TUBGCP3: variants seen among roughly 807,000 people sequenced by gnomAD.
TUBGCP3 encodes the protein gamma-tubulin complex component 3.
A neutral mutation model predicts 123.1 loss-of-function variants in TUBGCP3; 50 were observed. That is an observed-to-expected ratio of 0.41 (90% CI 0.32 to 0.51). TUBGCP3 has a LOEUF of 0.51. TUBGCP3 is among the 20% of genes least tolerant of loss of function. The probability of loss-of-function intolerance (pLI) is 0.36; values close to 1 mark genes in which losing one functional copy is unlikely to be tolerated. For synonymous variants in TUBGCP3, 405 were observed against 413.9 expected, an observed-to-expected ratio of 0.98 and a Z score of 0.26; for missense variants, 882 against 1,127.0, an observed-to-expected ratio of 0.78 and a Z score of 3.11.
intron 11 of TUBGCP3, among the ~76,000 whole-genome samples, chr13:112,541,657 A>C (rs1878528125): frequency 6.6e-6 from 1 of 152,242 alleles, no homozygotes; most frequent in African/African-American, 2.4e-5. Context: ...CTCAAGACAG[A>C]AGTATTGCAA....
intron 11 of TUBGCP3, among the ~76,000 whole-genome samples, chr13:112,529,718 A>T (rs1223923206): frequency 6.6e-6 from 1 of 152,194 alleles, no homozygotes; most frequent in Non-Finnish European, 1.5e-5. Flanking sequence ...TGGTACCGGG[A>T]CCATGACCTC....
chr13:112,566,098 T>A (rs1880937508), intron 2 of TUBGCP3, among the ~76,000 whole-genome samples: 1 of 152,236 alleles, frequency 6.6e-6, no homozygotes, highest in Non-Finnish European at 1.5e-5. Flanking sequence ...TTACAAATTA[T>A]CTGAAAGCAG....
Position 112,504,619 on chromosome 13 carries a change from A to G in TUBGCP3, c.2175+7T>C, listed in dbSNP as rs145468977. Reference sequence around the variant, plus strand: ...AAACTAAAATCAACACAATGACTGAAGTGTACCTCAAATGTGATGTAATAC... The same window carrying G: ...AAACTAAAATCAACACAATGACTGAGGTGTACCTCAAATGTGATGTAATAC... On this transcript the variant is annotated splice_region_variant and intron_variant, in intron 18 of 21. Coordinates refer to ENST00000261965, the MANE Select transcript of TUBGCP3 (RefSeq NM_006322.6). 14 of 1,611,990 alleles carry G rather than the reference A, an allele frequency of 8.7e-6. No homozygotes were observed. Among genetic ancestry groups the G allele is most frequent in the Non-Finnish European group, 1.2e-5 (14 of 1,178,428 alleles).
intron 11 of TUBGCP3, among the ~76,000 whole-genome samples, chr13:112,540,033 T>G (rs1878383574): frequency 7.8e-6 from 1 of 127,882 alleles, no homozygotes; most frequent in South Asian, 2.4e-4. Context: ...TGTAGTAGCC[T>G]ATGAGCATTC....
chr13:112,511,822 T>A lies in TUBGCP3; in HGVS notation c.2086+4618A>T, dbSNP rs1392390618. ...ACACTAGGGAGGTTTGACTGTGGTA[T>A]CTCCGAAGTGCCTTCTACTTGAAAG... On this transcript the variant is annotated intron_variant, in intron 17 of 21. Transcript: ENST00000261965. This position sits in a 1 kb window ranked among gnomAD's most constrained non-coding sequence, Gnocchi z 4.1. Among the ~76,000 whole-genome samples the A allele has an allele frequency of 2.6e-5, 4 of 152,264 alleles. No homozygotes were observed. The highest frequency in any genetic ancestry group is 9.6e-5 in the African/African-American group (4 of 41,550).
intron 2 of TUBGCP3, among the ~76,000 whole-genome samples, chr13:112,565,634 T>C (rs988142684): frequency 5.3e-5 from 8 of 152,220 alleles, no homozygotes; most frequent in African/African-American, 1.9e-4. Flanking sequence ...CCTAAACATT[T>C]TTGTTAAGAT....
chr13:112,561,508 C>T (rs571666022), intron 3 of TUBGCP3, among the ~76,000 whole-genome samples: 1 of 152,182 alleles, frequency 6.6e-6, no homozygotes, highest in African/African-American at 2.4e-5. Context: ...AACGGACAAA[C>T]GAGAGATATA....
At chr13:112,541,218 C>T (rs147266893) in intron 11 of TUBGCP3, among the ~76,000 whole-genome samples, 3 of 152,234 alleles carry the variant, frequency 2.0e-5, no homozygotes, top group African/African-American at 7.2e-5. Flanking sequence ...CAATAAAGAA[C>T]TCGCGGTACC....
Position 112,508,717 on chromosome 13 carries a change from T to TC in TUBGCP3, c.2087-4004dup, listed in dbSNP as rs960599401. On this transcript the variant is annotated intron_variant, in intron 17 of 21. Coordinates refer to ENST00000261965, the MANE Select transcript of TUBGCP3 (RefSeq NM_006322.6). This position sits in a 1 kb window ranked among gnomAD's most constrained non-coding sequence, Gnocchi z 4.2. ...TTAGCGTATTTGAATGGAATCACTA[T>TC]CCCCCCCAAAGAAGCTCTTCCTCCA... 1.1e-4 allele frequency among the ~76,000 whole-genome samples: 16 copies of TC among 151,078 alleles called. No homozygotes were observed. Among genetic ancestry groups the TC allele is most frequent in the African/African-American group, 3.2e-4 (13 of 40,578 alleles).
At chr13:112,559,202 C>G (rs1390819518) in intron 4 of TUBGCP3, 120 bp downstream of exon 4, 1 of 772,594 alleles carries the variant, frequency 1.3e-6, no homozygotes, top group African/African-American at 1.8e-5. Flanking sequence ...TCTTGACCTT[C>G]CATGACAGAC....
rs370516758 is a variant in TUBGCP3, at chr13:112,565,245, T to C, written c.185-67A>G. The stretch of plus-strand genomic sequence containing the variant: ...CCAAAATTCATTCTTATGATACTAT[T>C]TCACCTACAACACCATAACTCGCAA... On this transcript the variant is annotated intron_variant, in intron 2 of 21. Transcript: ENST00000261965. 2.2e-6 allele frequency: 3 copies of C among 1,370,406 alleles called. No individual in the cohort carries two copies. In the African/African-American group the frequency reaches 4.3e-5, roughly 20 times the overall value. The allele number at this position is 1,370,406 out of a possible 1,614,324, so 84.9% of individuals were successfully genotyped here. A position where few individuals can be genotyped will look rare whatever the true frequency, so the allele number is the denominator to read the frequency against.
At chr13:112,529,568 G>A (rs944246207) in intron 11 of TUBGCP3, among the ~76,000 whole-genome samples, 4 of 152,126 alleles carry the variant, frequency 2.6e-5, no homozygotes, top group Admixed American at 6.5e-5. Flanking sequence ...TCTTCAAGCC[G>A]CTCCTGCGTC....
At chr13:112,499,663 G>A (rs1378099831) in intron 19 of TUBGCP3, among the ~76,000 whole-genome samples, 1 of 151,806 alleles carries the variant, frequency 6.6e-6, no homozygotes, top group Non-Finnish European at 1.5e-5. Context: ...AATATAAAAA[G>A]CAAATTCAGC....
intron 13 of TUBGCP3, among the ~76,000 whole-genome samples, chr13:112,523,669 T>C (rs1343952405): frequency 2.0e-5 from 3 of 152,152 alleles, no homozygotes; most frequent in Admixed American, 1.3e-4. Flanking sequence ...TCATTAAAAA[T>C]TTTCATTCCA....
chr13:112,532,608 A>G (rs1877674032), intron 11 of TUBGCP3, among the ~76,000 whole-genome samples: 1 of 152,240 alleles, frequency 6.6e-6, no homozygotes, highest in South Asian at 2.1e-4. Flanking sequence ...TGGGGGAAGA[A>G]GCCAGGTTAG....
At chr13:112,542,731 G>A (rs1295065263) in intron 11 of TUBGCP3, among the ~76,000 whole-genome samples, 4 of 152,194 alleles carry the variant, frequency 2.6e-5, no homozygotes, top group African/African-American at 9.6e-5. Flanking sequence ...AGGGGACAAT[G>A]ATGGGTACAC....
Position 112,485,794 on chromosome 13 carries a change from G to T in TUBGCP3, c.*199C>A, listed in dbSNP as rs143464369. 1.2e-3 allele frequency: 730 copies of T among 611,350 alleles called. 1 individual carries two copies. The highest frequency in any genetic ancestry group is 0.012 in the African/African-American group (640 of 53,890). The allele number at this position is 611,350 out of a possible 1,614,324, so 37.9% of individuals were successfully genotyped here. On this transcript the variant is annotated 3_prime_UTR_variant, in exon 22 of 22. Transcript: ENST00000261965. ...AGTGCAGCCAGCCTACTTGACTTAG[G>T]GATTTACAAATGCATTCGACTCCGA...
intron 1 of TUBGCP3, among the ~76,000 whole-genome samples, chr13:112,574,293 G>A (rs1341509253): frequency 7.5e-6 from 1 of 132,916 alleles, no homozygotes; most frequent in Non-Finnish European, 1.5e-5. Context: ...AATCCACAGA[G>A]AATCTTCAAG....
rs747254453 is a variant in TUBGCP3 at position 112,540,914 on chromosome 13, T to A, written c.1335+4785A>T. Among the ~76,000 whole-genome samples, 89 of 152,260 alleles carry A rather than the reference T, an allele frequency of 5.8e-4. 1 individual carries two copies. The highest frequency in any genetic ancestry group is 5.4e-4 in the Non-Finnish European group (37 of 68,042). On this transcript the variant is annotated intron_variant, in intron 11 of 21. Transcript: ENST00000261965. Reference sequence around the variant, plus strand: ...GAATATTATACTCAATAGACATGCATTATTTTATTTTTAAATAAATAAAAC... The same window carrying A: ...GAATATTATACTCAATAGACATGCAATATTTTATTTTTAAATAAATAAAAC...
Sources: gnomAD v4.1 joint callset for allele counts (sites outside exome capture counted in the v4.1 genomes callset) on GRCh38, gnomAD v4.1.1 for gene constraint, Gnocchi (gnomAD v3.1) non-coding constraint, MANE v1.5 for transcripts, NCBI Gene and HGNC (gene_info 2026-07-23, HGNC 2026-07-21) for gene names.